Variants in GNB1L observed in about 807,000 individuals in gnomAD.
GNB1L encodes G protein subunit beta 1 like, also known as guanine nucleotide-binding protein subunit beta-like protein 1.
A neutral mutation model predicts 29.1 loss-of-function variants in GNB1L; 20 were observed. The ratio of observed to expected loss-of-function variants is 0.69; its 90% CI spans 0.48 to 1.00. The LOEUF (loss-of-function observed/expected upper bound fraction) is 1.00, where lower values mean the gene tolerates loss of function less well. Ranked by LOEUF, GNB1L falls within the 50% of genes least tolerant of loss-of-function variation. The pLI is 0.00. For missense variants in GNB1L, 421 were observed against 464.9 expected, an observed-to-expected ratio of 0.91 and a Z score of 0.87; for synonymous variants, 193 against 206.5, an observed-to-expected ratio of 0.93 and a Z score of 0.56.
At chr22:19,840,508 A>G (rs1477195263) in intron 2 of GNB1L, among the ~76,000 whole-genome samples, 1 of 152,190 alleles carries the variant, frequency 6.6e-6, no homozygotes, top group Admixed American at 6.6e-5. Context: ...TCCCACTGAC[A>G]TGATAGAAAA....
intron 2 of GNB1L, among the ~76,000 whole-genome samples, chr22:19,842,565 C>T (rs2145897825): frequency 6.6e-6 from 1 of 152,312 alleles, no homozygotes; most frequent in Admixed American, 6.5e-5. Flanking sequence ...ATAAATAATG[C>T]CAAGGACACA....
At chr22:19,834,057 G>C (rs1215606687) in intron 2 of GNB1L, among the ~76,000 whole-genome samples, 4 of 151,934 alleles carry the variant, frequency 2.6e-5, no homozygotes, top group African/African-American at 4.8e-5. Context: ...AAGTAGAAGA[G>C]AGAAACAGAT....
chr22:19,847,206 T>C, intron 2 of GNB1L: 26 of 985,492 alleles, frequency 2.6e-5, no homozygotes, highest in Non-Finnish European at 3.1e-5. Flanking sequence ...AGCACAGGTC[T>C]GACAGGCCCC....
In GNB1L at chr22:19,788,905, G is replaced by A; in HGVS notation, c.788C>T (p.Pro263Leu). The change falls in exon 8 of 8, where the codon CCA (proline) becomes CTA (leucine). Residue 263 changes from proline to leucine, a missense_variant. Coordinates refer to ENST00000329517, the MANE Select transcript of GNB1L (RefSeq NM_053004.3). ...TGCGGTGGCCAGGATCTTGCGATCT[G>A]GCCGGATCGTGACCTCGGCGATCCC... ...NPGIAEVTIR[P>L]DRKILATAGW... 1 of 1,612,270 alleles carries A rather than the reference G, an allele frequency of 6.2e-7. No homozygotes were observed. The highest frequency in any genetic ancestry group is 8.5e-7 in the Non-Finnish European group (1 of 1,179,434).
chr22:19,836,881 A>T (rs555872101), intron 2 of GNB1L, among the ~76,000 whole-genome samples: 129 of 151,320 alleles, frequency 8.5e-4, no homozygotes, highest in African/African-American at 3.0e-3. Context: ...CATGATTTTT[A>T]AAAAAACCCT....
chr22:19,821,203 T>TG (rs754328947), intron 3 of GNB1L, 25 bp downstream of exon 3: 1 of 1,597,414 alleles, frequency 6.3e-7, no homozygotes, highest in Non-Finnish European at 8.5e-7. Context: ...CTGGGTGGCC[T>TG]GGGGCTGGGG....
intron 2 of GNB1L, among the ~76,000 whole-genome samples, chr22:19,842,812 A>C (rs1020840189): frequency 2.0e-5 from 3 of 152,174 alleles, no homozygotes; most frequent in Non-Finnish European, 4.4e-5. Context: ...TGCTAGTGTC[A>C]CCTGGCCTGG....
rs112461539 is a variant in GNB1L at position 19,792,950 on chromosome 22, G to A, written c.733-3990C>T. ...ACAAAGGCACTTTGGCTAAGCTGAT[G>A]GAAGCTATCAGGACCAATTACAATG... On this transcript the variant is annotated intron_variant, in intron 7 of 7. Transcript: ENST00000329517. The A allele has an allele frequency of 3.5e-5, 48 of 1,374,804 alleles. No individual in the cohort carries two copies. The African/African-American group carries it at 4.7e-4, about 13-fold the overall frequency. 85.2% of individuals were successfully genotyped at this position (1,374,804 alleles called of 1,614,324 possible). A position where few individuals can be genotyped will look rare whatever the true frequency, so the allele number is the denominator to read the frequency against.
chr22:19,799,629 T>C (rs937598639), intron 7 of GNB1L, among the ~76,000 whole-genome samples: 2 of 152,210 alleles, frequency 1.3e-5, no homozygotes, highest in Admixed American at 1.3e-4. Context: ...GGGAGACTGA[T>C]CTGGGCTCAT....
chr22:19,819,684 C>T (rs1470312379), intron 4 of GNB1L, among the ~76,000 whole-genome samples: 4 of 152,188 alleles, frequency 2.6e-5, no homozygotes, highest in South Asian at 2.1e-4. Context: ...TGGGGACAGG[C>T]CACCTCTGTG....
chr22:19,849,737 T>G, intron 2 of GNB1L: 1 of 985,434 alleles, frequency 1.0e-6, no homozygotes, highest in African/African-American at 1.7e-5. Context: ...TATTTCCAAT[T>G]CACATTTCTG....
chr22:19,795,936 A>T (rs760325404), intron 7 of GNB1L, among the ~76,000 whole-genome samples: 42 of 152,220 alleles, frequency 2.8e-4, no homozygotes, highest in Non-Finnish European at 4.0e-4. Flanking sequence ...TTCCAGAAGG[A>T]GGTCTTGAGA....
rs533766931 is a variant in GNB1L at position 19,793,044 on chromosome 22, G to A, written c.733-4084C>T. The A allele has an allele frequency of 7.5e-6, 12 of 1,595,190 alleles. No homozygotes were observed. The East Asian group carries it at 8.9e-5, about 12-fold the overall frequency. On this transcript the variant is annotated intron_variant, in intron 7 of 7. Coordinates refer to ENST00000329517, the MANE Select transcript of GNB1L (RefSeq NM_053004.3). ...GGGTCCTAAGTCTGTGGCTCGTATC[G>A]CCAAGCTCGAAAAGGCAAAGGCTAA...
chr22:19,809,571 C>G lies in GNB1L; in HGVS notation c.417+2714G>C, dbSNP rs577383101. Among the ~76,000 whole-genome samples, 9 of 152,316 alleles carry G rather than the reference C, an allele frequency of 5.9e-5. No individual in the cohort carries two copies. The South Asian group carries it at 1.7e-3, about 28-fold the overall frequency. On this transcript the variant is annotated intron_variant, in intron 5 of 7. Transcript: ENST00000329517. ...TGGACAGCTAAACTAAAAGAGCACC[C>G]TGTAACACACACTCACTGGGGCTTC... is the stretch of plus-strand genomic sequence containing the variant.
At chr22:19,830,857 C>T (rs1160216230) in intron 2 of GNB1L, among the ~76,000 whole-genome samples, 1 of 152,056 alleles carries the variant, frequency 6.6e-6, no homozygotes, top group Non-Finnish European at 1.5e-5. Flanking sequence ...AAATAGAAAG[C>T]CTAGAAATAA....
chr22:19,825,456 C>CA (rs1937613129), intron 2 of GNB1L, among the ~76,000 whole-genome samples: 1 of 148,330 alleles, frequency 6.7e-6, no homozygotes. Flanking sequence ...CTTGCCTTTA[C>CA]AAAAAATAAA....
At chr22:19,849,181 G>A (rs1938034491) in intron 2 of GNB1L, 2 of 985,192 alleles carry the variant, frequency 2.0e-6, no homozygotes, top group African/African-American at 3.5e-5. Flanking sequence ...TGCTACCAGG[G>A]CTATACCTGC....
chr22:19,833,844 C>T (rs943299817), intron 2 of GNB1L, among the ~76,000 whole-genome samples: 5 of 151,108 alleles, frequency 3.3e-5, no homozygotes, highest in Admixed American at 6.6e-5. Context: ...CCAGCCGGGG[C>T]GACAAAGTGA....
chr22:19,841,737 C>T (rs1160850217), intron 2 of GNB1L, among the ~76,000 whole-genome samples: 1 of 152,304 alleles, frequency 6.6e-6, no homozygotes, highest in Non-Finnish European at 1.5e-5. Flanking sequence ...AATTCATCAA[C>T]AGTGCCCCCT....
Sources: allele counts gnomAD v4.1 joint callset (sites outside exome capture counted in the v4.1 genomes callset), GRCh38; gene constraint gnomAD v4.1.1; transcripts MANE v1.5; gene names NCBI Gene and HGNC (gene_info 2026-07-23, HGNC 2026-07-21).